ZNF44: variants seen among roughly 807,000 people sequenced by gnomAD.
ZNF44 encodes the protein gonadotropin inducible transcription repressor-2.
Under a neutral mutation model 11.7 loss-of-function variants are expected in ZNF44, and 9 were observed. That is an observed-to-expected ratio of 0.77 (90% confidence interval 0.46 to 1.35). The LOEUF (loss-of-function observed/expected upper bound fraction) is 1.35. ZNF44 is among the 40% of genes most tolerant of loss of function. The probability of loss-of-function intolerance (pLI) is 0.00; values close to 1 mark genes in which losing one functional copy is unlikely to be tolerated. For synonymous variants in ZNF44, 224 were observed against 242.7 expected (o/e 0.92, Z 0.72); for missense variants, 696 against 743.1 (o/e 0.94, Z 0.74).
intron 1 of ZNF44, among the ~76,000 whole-genome samples, chr19:12,286,060 A>G (rs868193491): frequency 6.6e-6 from 1 of 152,186 alleles, no homozygotes. Flanking sequence ...GAGCACTGCA[A>G]TGTGTGAGTA....
At chr19:12,237,612 C>T (rs991635546), upstream of ZNF44, 1 of 152,668 alleles carries the variant, frequency 6.6e-6, no homozygotes, top group Non-Finnish European at 1.5e-5. Context: ...AGCTTGGCCC[C>T]ACCCTCCTGG....
chr19:12,261,892 T>A (rs934111665), intron 5 of ZNF44, among the ~76,000 whole-genome samples: 20 of 152,184 alleles, frequency 1.3e-4, no homozygotes, highest in Non-Finnish European at 1.9e-4. Context: ...TTGAAAAAAA[T>A]TATATAAACC....
chr19:12,285,391 G>C (rs1259799701), intron 1 of ZNF44, among the ~76,000 whole-genome samples: 1 of 152,050 alleles, frequency 6.6e-6, no homozygotes, highest in Non-Finnish European at 1.5e-5. Context: ...GAGTAGCTGG[G>C]ATTACAGGCG....
intron 1 of ZNF44, among the ~76,000 whole-genome samples, 157 bp downstream of exon 1, chr19:12,294,535 T>G (rs1568462887): frequency 6.6e-6 from 1 of 152,146 alleles, no homozygotes; most frequent in Non-Finnish European, 1.5e-5. Context: ...AGCCCCACCC[T>G]GCGGCCAAAC....
Position 12,273,927 on chromosome 19 carries a change from C to T in ZNF44, c.328G>A (p.Glu110Lys). Residue 110 changes from glutamate to lysine, a missense_variant, in exon 4 of 4, where the codon GAA (glutamate) becomes AAA (lysine). Physicochemically the swap from Glu to Lys is moderately conservative, Grantham distance 56. Coordinates refer to ENST00000355684, the MANE Select transcript of ZNF44 (RefSeq NM_016264.4). ...VDACGSSVNG[E>K]VIMGHSSLNC... ...AGGGATGAATGACCCATTATGACTTCTCCATTCACACTGCTTCCACATGCA... is the reference window on the plus strand; with the variant it reads ...AGGGATGAATGACCCATTATGACTTTTCCATTCACACTGCTTCCACATGCA... 6.2e-7 allele frequency: 1 copy of T among 1,614,160 alleles called. No individual in the cohort carries two copies. Among genetic ancestry groups the T allele is most frequent in the Non-Finnish European group, 8.5e-7 (1 of 1,180,032 alleles).
intron 5 of ZNF44, among the ~76,000 whole-genome samples, chr19:12,252,969 C>A (rs1453507911): frequency 1.4e-5 from 2 of 141,290 alleles, no homozygotes; most frequent in Non-Finnish European, 3.0e-5. Flanking sequence ...CTCACTGCAA[C>A]CTCCGCCTCC....
At chr19:12,228,840 G>A (rs1281720276) in intron 3 of ZNF44, among the ~76,000 whole-genome samples, 1 of 152,102 alleles carries the variant, frequency 6.6e-6, no homozygotes, top group African/African-American at 2.4e-5. Context: ...CAATATTAAT[G>A]TTTCACTTAT....
Position 12,272,226 on chromosome 19 carries a change from A to G in ZNF44, c.*181T>C, listed in dbSNP as rs1476505686. On this transcript the variant is annotated 3_prime_UTR_variant, in exon 4 of 4. Transcript: ENST00000355684. Reference sequence around the variant, plus strand: ...TCCCATGTTAGCCAGGCTGGTCTCGATCTCCTGGCCTCGTGATCTGCCCTC... The same window carrying G: ...TCCCATGTTAGCCAGGCTGGTCTCGGTCTCCTGGCCTCGTGATCTGCCCTC... 9 of 1,043,268 alleles carry G rather than the reference A, an allele frequency of 8.6e-6. 1 individual carries two copies. The East Asian group carries it at 2.8e-4, about 33-fold the overall frequency. 64.6% of individuals were successfully genotyped at this position (1,043,268 alleles called of 1,614,324 possible).
downstream of ZNF44, among the ~76,000 whole-genome samples, chr19:12,243,779 C>A (rs1916694228): frequency 6.6e-6 from 1 of 151,858 alleles, no homozygotes; most frequent in Non-Finnish European, 1.5e-5. Flanking sequence ...AATGTACATT[C>A]CCACCAACAG....
intron 1 of ZNF44, chr19:12,284,964 G>T: frequency 1.4e-6 from 1 of 730,108 alleles, no homozygotes. Flanking sequence ...TGGTATCAGT[G>T]ACTGATACAC....
downstream of ZNF44, among the ~76,000 whole-genome samples, chr19:12,266,972 G>A (rs928123049): frequency 5.9e-5 from 9 of 152,112 alleles, no homozygotes; most frequent in Admixed American, 5.2e-4. Context: ...AATTTGGAAA[G>A]AAAGGCTGTT....
chr19:12,276,200 G>A, intron 1 of ZNF44, 118 bp from the exon 2 acceptor site: 1 of 1,450,440 alleles, frequency 6.9e-7, no homozygotes, highest in Non-Finnish European at 9.5e-7. Flanking sequence ...TCAATGACGT[G>A]GTAAATCCAC....
chr19:12,266,278 T>C, intron 5 of ZNF44: 1 of 985,302 alleles, frequency 1.0e-6, no homozygotes, highest in Non-Finnish European at 1.2e-6. Flanking sequence ...CACTCACCAT[T>C]TCCTGGACTC....
intron 1 of ZNF44, chr19:12,234,972 C>G (rs1916323534): frequency 1.3e-5 from 2 of 152,356 alleles, no homozygotes; most frequent in East Asian, 1.9e-4. Flanking sequence ...GACATGAGCT[C>G]TCTCTGCTGC....
intron 1 of ZNF44, among the ~76,000 whole-genome samples, chr19:12,288,416 A>G (rs1231990502): frequency 2.6e-5 from 4 of 152,120 alleles, no homozygotes; most frequent in African/African-American, 9.7e-5. Context: ...GATAAAGTTC[A>G]ATTTTACAAA....
chr19:12,284,399 C>A, intron 1 of ZNF44: 2 of 622,360 alleles, frequency 3.2e-6, no homozygotes, highest in South Asian at 1.5e-5. Context: ...GGATGGGGAA[C>A]CGCAGTGGCT....
At chr19:12,234,427 T>A (rs914129620) in intron 2 of ZNF44, among the ~76,000 whole-genome samples, 2 of 152,206 alleles carry the variant, frequency 1.3e-5, no homozygotes, top group Non-Finnish European at 1.5e-5. Context: ...CCCAGGCTTT[T>A]TCTATTGATC....
chr19:12,257,726 G>A lies in ZNF44; in HGVS notation c.1913-7358C>T, dbSNP rs1018639087. ...TGAGGCAGGAGAATCATTTGAAACCGGATGATGGAGGCTGCAGTGAGCCGA... is the reference window on the plus strand; with the variant it reads ...TGAGGCAGGAGAATCATTTGAAACCAGATGATGGAGGCTGCAGTGAGCCGA... On this transcript the variant is annotated intron_variant and NMD_transcript_variant, in intron 5 of 7. Transcript: ENST00000393337. Among the ~76,000 whole-genome samples the A allele has an allele frequency of 8.6e-5, 13 of 151,126 alleles. No homozygotes were observed. The South Asian group carries it at 1.9e-3, about 22-fold the overall frequency.
At position 12,230,842 on chromosome 19, in the gene ZNF44, A is replaced by G. The variant is rs143444404; in HGVS notation, n.381-327T>C. Among the ~76,000 whole-genome samples, 756 of 152,258 alleles carry G rather than the reference A, an allele frequency of 5.0e-3. 4 individuals carry two copies. The highest frequency in any genetic ancestry group is 7.9e-3 in the Non-Finnish European group (537 of 68,010). ...CAGACTAAGAGTGTATATTGGTTTT[A>G]GGGTGAGGGGGCTTATTACAAGCTT... On this transcript the variant is annotated intron_variant and non_coding_transcript_variant, in intron 2 of 3. Coordinates refer to the ZNF44 transcript ENST00000597563.
Sources: gnomAD v4.1 joint callset for allele counts (sites outside exome capture counted in the v4.1 genomes callset) on GRCh38, gnomAD v4.1.1 for gene constraint, MANE v1.5 for transcripts, NCBI Gene and HGNC (gene_info 2026-07-23, HGNC 2026-07-21) for gene names.